TNFAIP8: variants seen among roughly 807,000 people sequenced by gnomAD.
TNFAIP8 encodes the protein TNF alpha induced protein 8.
In TNFAIP8, 7 loss-of-function variants were observed where a neutral mutation model predicts 13.3. The observed-to-expected ratio is 0.52, with a 90% CI of 0.30 to 0.99. The LOEUF (loss-of-function observed/expected upper bound fraction) is 0.99. Ranked by LOEUF, TNFAIP8 falls within the 50% of genes least tolerant of loss-of-function variation. The pLI is 0.07. For missense variants in TNFAIP8, 258 were observed against 236.9 expected (o/e 1.09, Z -0.58); for synonymous variants, 94 against 87.6 (o/e 1.07, Z -0.41).
chr5:119,392,088 C>T (rs1250943326), intron 1 of TNFAIP8, among the ~76,000 whole-genome samples: 5 of 152,174 alleles, frequency 3.3e-5, no homozygotes, highest in African/African-American at 1.2e-4. Flanking sequence ...GAACAATGGC[C>T]ATTCATCAGA....
intron 1 of TNFAIP8, among the ~76,000 whole-genome samples, chr5:119,281,256 T>C (rs2150804521): frequency 1.3e-5 from 1 of 77,720 alleles, no homozygotes; most frequent in East Asian, 7.2e-4. Context: ...TATAGGCCTT[T>C]CCTCGGTCAG....
At chr5:119,325,256 G>A (rs1750186116) in intron 1 of TNFAIP8, among the ~76,000 whole-genome samples, 1 of 152,124 alleles carries the variant, frequency 6.6e-6, no homozygotes, top group African/African-American at 2.4e-5. Flanking sequence ...ATGTATTCCT[G>A]TAAGTGGTTC....
At chr5:119,303,465 C>T (rs79254350) in intron 1 of TNFAIP8, among the ~76,000 whole-genome samples, 1 of 152,106 alleles carries the variant, frequency 6.6e-6, no homozygotes, top group Non-Finnish European at 1.5e-5. Context: ...ACCTGTGCCT[C>T]TTGTGGGTCA....
chr5:119,368,558 C>G (rs561049046), intron 1 of TNFAIP8, among the ~76,000 whole-genome samples: 2 of 151,594 alleles, frequency 1.3e-5, no homozygotes, highest in African/African-American at 4.9e-5. Flanking sequence ...GTGTCTACAA[C>G]AACAAAAAAC....
At chr5:119,340,282 T>A (rs2112726710) in intron 1 of TNFAIP8, among the ~76,000 whole-genome samples, 1 of 152,334 alleles carries the variant, frequency 6.6e-6, no homozygotes, top group East Asian at 1.9e-4. Flanking sequence ...GAACCCTTTA[T>A]TACCAGGGGG....
intron 1 of TNFAIP8, among the ~76,000 whole-genome samples, chr5:119,295,674 T>C (rs1185659968): frequency 6.6e-6 from 1 of 152,194 alleles, no homozygotes; most frequent in Non-Finnish European, 1.5e-5. Flanking sequence ...AAGAAAGTCA[T>C]TGCTAGCTTG....
chr5:119,396,709 T>G lies in TNFAIP8; in HGVS notation c.*3328T>G, dbSNP rs984124864. 1.3e-5 allele frequency: 2 copies of G among 152,038 alleles called. No individual in the cohort carries two copies. Among genetic ancestry groups the G allele is most frequent in the Non-Finnish European group, 2.9e-5 (2 of 67,970 alleles). 9.4% of individuals were successfully genotyped at this position (152,038 alleles called of 1,614,324 possible). A position where few individuals can be genotyped will look rare whatever the true frequency, so the allele number is the denominator to read the frequency against. ...TCAAAATTAGTTTAAGAGTAAAGCA[T>G]GGGGTGGGTGCGGTGGCTTATGCTT... On this transcript the variant is annotated 3_prime_UTR_variant, in exon 2 of 2. Coordinates refer to ENST00000504771, the MANE Select transcript of TNFAIP8 (RefSeq NM_014350.4).
At chr5:119,333,247 C>G in intron 1 of TNFAIP8, 3 of 1,043,200 alleles carry the variant, frequency 2.9e-6, no homozygotes, top group Non-Finnish European at 3.5e-6. Context: ...TTACAGGGAG[C>G]AAGTGCAGGC....
rs1264398219 is a variant in TNFAIP8, at chr5:119,395,167, C to T, written c.*1786C>T. ...GAACTGAAAGTATCATTCTCACTTC[C>T]TAGAGCCAGTAGGTGATCAGTATAT... On this transcript the variant is annotated 3_prime_UTR_variant, in exon 2 of 2. Coordinates refer to ENST00000504771, the MANE Select transcript of TNFAIP8 (RefSeq NM_014350.4). 6.6e-6 allele frequency: 1 copy of T among 152,158 alleles called. No individual in the cohort carries two copies. The highest frequency in any genetic ancestry group is 1.5e-5 in the Non-Finnish European group (1 of 68,024). 9.4% of individuals were successfully genotyped at this position (152,158 alleles called of 1,614,324 possible). A position where few individuals can be genotyped will look rare whatever the true frequency, so the allele number is the denominator to read the frequency against.
intron 1 of TNFAIP8, among the ~76,000 whole-genome samples, chr5:119,369,906 C>G (rs1411909988): frequency 6.6e-6 from 1 of 152,320 alleles, no homozygotes; most frequent in East Asian, 1.9e-4. Context: ...CCAGGTTTGT[C>G]TAGGCCGATG....
chr5:119,327,457 T>C (rs1252280594), intron 1 of TNFAIP8, among the ~76,000 whole-genome samples: 1 of 152,134 alleles, frequency 6.6e-6, no homozygotes, highest in East Asian at 1.9e-4. Context: ...GTTTTGGGTT[T>C]TTTTGTTTGT....
upstream of TNFAIP8, chr5:119,355,897 C>T (rs1288303908): frequency 1.6e-6 from 2 of 1,233,968 alleles, no homozygotes; most frequent in East Asian, 8.3e-5. Context: ...ACACGCGATT[C>T]GTCACTCTTG....
intron 1 of TNFAIP8, among the ~76,000 whole-genome samples, chr5:119,359,913 T>C (rs1454351766): frequency 6.6e-6 from 1 of 152,242 alleles, no homozygotes; most frequent in Non-Finnish European, 1.5e-5. Flanking sequence ...TGTTTCCTTT[T>C]ATGTAGTCAT....
intron 1 of TNFAIP8, among the ~76,000 whole-genome samples, chr5:119,332,395 A>G (rs1750411979): frequency 6.6e-6 from 1 of 152,146 alleles, no homozygotes; most frequent in South Asian, 2.1e-4. Flanking sequence ...CGTATACACA[A>G]CCAGAAGGTG....
intron 1 of TNFAIP8, among the ~76,000 whole-genome samples, chr5:119,337,194 T>C (rs1750582040): frequency 6.6e-6 from 1 of 152,262 alleles, no homozygotes; most frequent in Admixed American, 6.5e-5. Flanking sequence ...CTTCCTGTTA[T>C]AGCAGAGCTC....
intron 1 of TNFAIP8, among the ~76,000 whole-genome samples, chr5:119,336,696 T>C (rs186474207): frequency 1.6e-3 from 250 of 152,362 alleles, no homozygotes; most frequent in African/African-American, 5.8e-3. Context: ...ATTTTTAAGC[T>C]ATTTGGATAT....
At chr5:119,346,050 A>G (rs758102593) in intron 1 of TNFAIP8, among the ~76,000 whole-genome samples, 4 of 152,168 alleles carry the variant, frequency 2.6e-5, no homozygotes, top group African/African-American at 4.8e-5. Context: ...ACCCAAACAC[A>G]TGCTTCTCTC....
At chr5:119,390,972 C>T (rs1336599799) in intron 1 of TNFAIP8, among the ~76,000 whole-genome samples, 1 of 148,560 alleles carries the variant, frequency 6.7e-6, no homozygotes, top group Non-Finnish European at 1.5e-5. Context: ...GTGCATGCCA[C>T]CACACCTGGC....
intron 1 of TNFAIP8, among the ~76,000 whole-genome samples, chr5:119,367,020 C>T (rs1032293505): frequency 2.0e-5 from 3 of 152,218 alleles, no homozygotes; most frequent in South Asian, 2.1e-4. Context: ...AAGGGTTAAT[C>T]GGGTAAATTA....
Sources: gnomAD v4.1 joint callset for allele counts (sites outside exome capture counted in the v4.1 genomes callset) on GRCh38, gnomAD v4.1.1 for gene constraint, MANE v1.5 for transcripts, NCBI Gene and HGNC (gene_info 2026-07-23, HGNC 2026-07-21) for gene names.